The following USH2A variants were observed in gnomAD, a reference collection of about 807,000 sequenced individuals.
USH2A encodes Usher syndrome 2A (autosomal recessive, mild).
Under a neutral mutation model 538.9 loss-of-function variants are expected in USH2A, and 443 were observed. That is an observed-to-expected ratio of 0.82 (90% CI 0.76 to 0.89). USH2A has a LOEUF of 0.89. Among genes scored for constraint, USH2A ranks in the 40% least tolerant of loss-of-function variants. The pLI, the probability that USH2A is intolerant of heterozygous loss-of-function variation, is 0.00. For synonymous variants in USH2A, 2,413 were observed against 2,273.5 expected (o/e 1.06, Z -1.75); for missense variants, 6,633 against 6,324.8 (o/e 1.05, Z -1.65).
At chr1:216,065,465 T>G (rs964497960) in intron 30 of USH2A, among the ~76,000 whole-genome samples, 1 of 152,212 alleles carries the variant, frequency 6.6e-6, no homozygotes, top group African/African-American at 2.4e-5. Context: ...TTTTTAAATC[T>G]CTACACAAAA....
At chr1:215,770,577 A>G (rs971403873) in intron 55 of USH2A, among the ~76,000 whole-genome samples, 1 of 152,090 alleles carries the variant, frequency 6.6e-6, no homozygotes, top group African/African-American at 2.4e-5. Context: ...ATATTTTATG[A>G]GAATTGCAGT....
At chr1:215,969,224 GA>G (rs139278338) in intron 36 of USH2A, among the ~76,000 whole-genome samples, 3,189 of 152,286 alleles carry the variant, frequency 0.021, 65 homozygotes, top group South Asian at 0.082. Context: ...ACAGCATAAA[GA>G]AAAGTACCAA....
At chr1:216,348,863 CA>C (rs1044855898) in intron 4 of USH2A, among the ~76,000 whole-genome samples, 1 of 151,140 alleles carries the variant, frequency 6.6e-6, no homozygotes, top group South Asian at 2.1e-4. Flanking sequence ...GACTACTATT[CA>C]AAAAAAACCA....
At chr1:215,684,106 A>C (rs886086371) in intron 61 of USH2A, among the ~76,000 whole-genome samples, 1 of 152,142 alleles carries the variant, frequency 6.6e-6, no homozygotes, top group African/African-American at 2.4e-5. Context: ...TTCCTTCTTT[A>C]ACTTTATATG....
intron 3 of USH2A, among the ~76,000 whole-genome samples, chr1:216,392,491 CAAAAAAAA>C (rs55951311): frequency 8.1e-5 from 4 of 49,484 alleles, no homozygotes; most frequent in Non-Finnish European, 1.5e-4. Context: ...GACTCCGTCT[CAAAAAAAA>C]AAAAAAAAAA....
At chr1:216,093,411 G>A (rs1053222024) in intron 22 of USH2A, among the ~76,000 whole-genome samples, 4 of 150,396 alleles carry the variant, frequency 2.7e-5, no homozygotes, top group Admixed American at 1.3e-4. Flanking sequence ...GAAGGGTAAG[G>A]GGGCGGAAAT....
intron 47 of USH2A, among the ~76,000 whole-genome samples, chr1:215,836,477 TATAA>T (rs1478588321): frequency 1.2e-4 from 1 of 8,400 alleles, no homozygotes; most frequent in Non-Finnish European, 2.1e-4. Flanking sequence ...TATATATATA[TATAA>T]TATATATTAT....
chr1:215,955,851 A>T (rs1014848445), intron 37 of USH2A, among the ~76,000 whole-genome samples: 1 of 152,166 alleles, frequency 6.6e-6, no homozygotes. Context: ...TCACTTTCTA[A>T]GGGGCCAAAC....
intron 32 of USH2A, among the ~76,000 whole-genome samples, chr1:216,013,829 A>G (rs1325091909): frequency 6.6e-6 from 1 of 152,162 alleles, no homozygotes; most frequent in African/African-American, 2.4e-5. Flanking sequence ...TATTGCTCAC[A>G]CAAAGCCTGT....
At chr1:216,352,014 A>G (rs2038296850) in intron 4 of USH2A, among the ~76,000 whole-genome samples, 1 of 152,152 alleles carries the variant, frequency 6.6e-6, no homozygotes, top group Admixed American at 6.6e-5. Context: ...CATTTTGAAA[A>G]AAAGTAAGTT....
At chr1:215,994,259 T>C (rs1346024502) in intron 34 of USH2A, among the ~76,000 whole-genome samples, 2 of 152,156 alleles carry the variant, frequency 1.3e-5, no homozygotes, top group Non-Finnish European at 2.9e-5. Flanking sequence ...AGATAAAAAA[T>C]TAAAGCATCT....
chr1:216,301,499 C>T (rs952460772), intron 9 of USH2A, among the ~76,000 whole-genome samples: 5 of 152,174 alleles, frequency 3.3e-5, no homozygotes, highest in Non-Finnish European at 7.4e-5. Flanking sequence ...CTTCAGGGAC[C>T]GAAAATAGTA....
chr1:215,794,290 T>C (rs1011047280), intron 50 of USH2A, among the ~76,000 whole-genome samples: 2 of 152,164 alleles, frequency 1.3e-5, no homozygotes, highest in African/African-American at 4.8e-5. Flanking sequence ...GTGATTTTGT[T>C]AAAGGGCTCC....
At chr1:215,722,412 T>C (rs185973535) in intron 61 of USH2A, among the ~76,000 whole-genome samples, 180 of 152,350 alleles carry the variant, frequency 1.2e-3, no homozygotes, top group Middle Eastern at 0.01. Flanking sequence ...AGAGCAGTAA[T>C]ATTTTATGTT....
intron 43 of USH2A, among the ~76,000 whole-genome samples, chr1:215,877,315 C>T (rs1664796660): frequency 6.6e-6 from 1 of 152,190 alleles, no homozygotes; most frequent in African/African-American, 2.4e-5. Flanking sequence ...CAATCCTGTT[C>T]ACTAATGTTT....
chr1:216,044,164 T>A (rs561589019), intron 32 of USH2A, among the ~76,000 whole-genome samples: 1 of 152,142 alleles, frequency 6.6e-6, no homozygotes, highest in South Asian at 2.1e-4. Flanking sequence ...CTATTCAAGA[T>A]GACACAAACA....
intron 3 of USH2A, among the ~76,000 whole-genome samples, chr1:216,407,338 AGTT>A (rs150536544): frequency 0.02 from 3,000 of 152,222 alleles, 33 homozygotes; most frequent in South Asian, 0.041. Context: ...AATTTTTCAC[AGTT>A]GTTGTTAAAT....
At chr1:215,968,512 T>C (rs1338254270) in intron 36 of USH2A, among the ~76,000 whole-genome samples, 1 of 152,166 alleles carries the variant, frequency 6.6e-6, no homozygotes, top group Non-Finnish European at 1.5e-5. Flanking sequence ...GTCTTTTTAT[T>C]TTTAAAAATT....
intron 3 of USH2A, among the ~76,000 whole-genome samples, chr1:216,377,542 T>C (rs935025993): frequency 7.2e-5 from 11 of 152,102 alleles, no homozygotes; most frequent in Admixed American, 3.3e-4. Context: ...TTTGTTATCA[T>C]CTGAAGAACT....
Sources: allele counts gnomAD v4.1 joint callset (sites outside exome capture counted in the v4.1 genomes callset), GRCh38; gene constraint gnomAD v4.1.1; transcripts MANE v1.5; gene names NCBI Gene and HGNC (gene_info 2026-07-23, HGNC 2026-07-21).